The following NEK10 variants were observed in gnomAD, a reference collection of about 807,000 sequenced individuals.
NEK10 encodes the protein NIMA related kinase 10, also known as serine/threonine-protein kinase Nek10.
A neutral mutation model predicts 159.8 loss-of-function variants in NEK10; 122 were observed. That is an observed-to-expected ratio of 0.76 (90% CI 0.66 to 0.89). NEK10 has a LOEUF of 0.89. NEK10 is among the 40% of genes least tolerant of loss of function. The pLI, the probability that NEK10 is intolerant of heterozygous loss-of-function variation, is 0.00. For synonymous variants in NEK10, 466 were observed against 457.1 expected, an observed-to-expected ratio of 1.02 and a Z score of -0.25; for missense variants, 1,342 against 1,323.1, an observed-to-expected ratio of 1.01 and a Z score of -0.22.
chr3:27,258,672 T>C lies in NEK10; in HGVS notation c.2015-2301A>G, dbSNP rs958609401. Reference sequence around the variant, plus strand: ...TTTGCTATTGTGAATAGTGCCGCAATAAACTTACGTGTTCATGTGTCTTTA... The same window carrying C: ...TTTGCTATTGTGAATAGTGCCGCAACAAACTTACGTGTTCATGTGTCTTTA... On this transcript the variant is annotated intron_variant, in intron 22 of 35. Coordinates refer to ENST00000691995, the MANE Select transcript of NEK10 (RefSeq NM_001394966.1). Among the ~76,000 whole-genome samples the C allele has an allele frequency of 5.3e-4, 81 of 152,204 alleles. 1 individual carries two copies. The highest frequency in any genetic ancestry group is 8.7e-4 in the Non-Finnish European group (59 of 68,044).
rs142952687 is a variant in NEK10 at position 27,130,450 on chromosome 3, A to G, written c.3081+1430T>C. On this transcript the variant is annotated intron_variant, in intron 32 of 35. Transcript: ENST00000691995. Reference sequence around the variant, plus strand: ...AACAAACAAAATCTTCTCTATCAGGAGAGGAAAGAAAGTGAGGAAGAGTTG... The same window carrying G: ...AACAAACAAAATCTTCTCTATCAGGGGAGGAAAGAAAGTGAGGAAGAGTTG... 2.8e-4 allele frequency among the ~76,000 whole-genome samples: 42 copies of G among 152,290 alleles called. No individual in the cohort carries two copies. The East Asian group carries it at 7.9e-3, about 29-fold the overall frequency.
chr3:27,273,981 A>G (rs1235227960), intron 22 of NEK10, among the ~76,000 whole-genome samples: 1 of 152,162 alleles, frequency 6.6e-6, no homozygotes, highest in African/African-American at 2.4e-5. Context: ...TCTGCCCCTC[A>G]AACTGCTTCC....
rs1559351787 is a variant in NEK10 at position 27,243,832 on chromosome 3, TG to T, written c.2090+12463del. On this transcript the variant is annotated intron_variant, in intron 23 of 35. Transcript: ENST00000691995. ...TTCTACACTTGACTGACACCATGGGTGTGTGTGTGTGTGTGTGTGTGTGTGT... is the reference window on the plus strand; with the variant it reads ...TTCTACACTTGACTGACACCATGGGTTGTGTGTGTGTGTGTGTGTGTGTGT... Among the ~76,000 whole-genome samples the T allele has an allele frequency of 1.8e-3, 47 of 25,902 alleles. No individual in the cohort carries two copies. The African/African-American group carries it at 0.033, about 18-fold the overall frequency. 17.0% of individuals were successfully genotyped at this position (25,902 alleles called of 152,430 possible).
chr3:27,113,435 C>CAAA (rs3034425), intron 35 of NEK10, among the ~76,000 whole-genome samples: 341 of 81,238 alleles, frequency 4.2e-3, no homozygotes, highest in Non-Finnish European at 4.9e-3. Flanking sequence ...GATTCCATCT[C>CAAA]AAAAAAAAAA....
At chr3:27,320,080 C>G (rs996747366) in intron 6 of NEK10, among the ~76,000 whole-genome samples, 1 of 152,170 alleles carries the variant, frequency 6.6e-6, no homozygotes, top group Non-Finnish European at 1.5e-5. Flanking sequence ...TGCCTGAGCA[C>G]GTGGTCTTCT....
chr3:27,257,601 A>G (rs1575475984), intron 22 of NEK10, among the ~76,000 whole-genome samples: 1 of 152,182 alleles, frequency 6.6e-6, no homozygotes, highest in African/African-American at 2.4e-5. Context: ...TCAGCCACTT[A>G]CATGAATTGC....
chr3:27,304,874 G>A lies in NEK10; in HGVS notation c.901C>T (p.His301Tyr). 2 of 1,613,406 alleles carry A rather than the reference G, an allele frequency of 1.2e-6. No individual in the cohort carries two copies. Among genetic ancestry groups the A allele is most frequent in the Non-Finnish European group, 1.7e-6 (2 of 1,179,372 alleles). ...EGIPVLLSLL[H>Y]SDHLKLLWSI... The stretch of plus-strand genomic sequence containing the variant: ...CAGAGGAGCTTCAAGTGGTCAGAGT[G>A]GAGCAGACTGAGGAGGACCGGTATC... Residue 301 changes from histidine (H) to tyrosine (Y), a missense_variant, in exon 12 of 36, where the codon CAC (histidine) becomes TAC (tyrosine). Coordinates refer to ENST00000691995, the MANE Select transcript of NEK10 (RefSeq NM_001394966.1).
At chr3:27,179,160 A>G (rs1392834059) in intron 26 of NEK10, among the ~76,000 whole-genome samples, 1 of 152,176 alleles carries the variant, frequency 6.6e-6, no homozygotes, top group Non-Finnish European at 1.5e-5. Context: ...CAGTTAAGAG[A>G]GCAATAGTTA....
rs747068533 is a variant in NEK10, at chr3:27,344,292, C to T, written c.342G>A (p.Val114=). ...KLFQEIFTAL[V]KNRLISREWV... ...CTTACCTGCTTATGAGTCTATTTTT[C>T]ACCAAGGCGGTAAAGATCTCCTGAA... Residue 114 remains valine, a synonymous_variant, in exon 5 of 36, where the codon GTG becomes GTA. Coordinates refer to ENST00000691995, the MANE Select transcript of NEK10 (RefSeq NM_001394966.1). The T allele has an allele frequency of 2.1e-5, 34 of 1,586,984 alleles. No individual in the cohort carries two copies. The South Asian group carries it at 3.7e-4, about 17-fold the overall frequency.
intron 22 of NEK10, among the ~76,000 whole-genome samples, chr3:27,262,487 G>A (rs189341892): frequency 7.2e-5 from 11 of 152,246 alleles, no homozygotes. Flanking sequence ...CGTAGATTTG[G>A]TCTTTTCATA....
rs957691267 is a variant in NEK10, at chr3:27,314,980, C to T, written c.448-642G>A. Among the ~76,000 whole-genome samples, 6 of 152,164 alleles carry T rather than the reference C, an allele frequency of 3.9e-5. 1 individual carries two copies. Among genetic ancestry groups the T allele is most frequent in the South Asian group, 2.1e-4 (1 of 4,826 alleles). The stretch of plus-strand genomic sequence containing the variant: ...ATTAGATGAATGATCTTATTAGACC[C>T]ATGCTCTAAATAAATGTAAAGATAA... On this transcript the variant is annotated intron_variant, in intron 6 of 35. Coordinates refer to ENST00000691995, the MANE Select transcript of NEK10 (RefSeq NM_001394966.1).
intron 23 of NEK10, among the ~76,000 whole-genome samples, chr3:27,240,750 C>A (rs1181545599): frequency 6.6e-6 from 1 of 151,436 alleles, no homozygotes; most frequent in Non-Finnish European, 1.5e-5. Context: ...CTCCCAGGCT[C>A]AAGCAATTCT....
chr3:27,253,904 T>G (rs893192482), intron 23 of NEK10, among the ~76,000 whole-genome samples: 1 of 152,164 alleles, frequency 6.6e-6, no homozygotes, highest in Non-Finnish European at 1.5e-5. Flanking sequence ...GTCTATGGCA[T>G]CATACCTCAA....
Position 27,106,569 on chromosome 3 carries a change from A to C in NEK10, c.*4703T>G, listed in dbSNP as rs916521463. On this transcript the variant is annotated 3_prime_UTR_variant, in exon 36 of 36. Transcript: ENST00000691995. ...AGAATCTTGACTCAAATGGCACTTG[A>C]AATGCAGAGCTAAATCATGGGTTAA... 6.6e-6 allele frequency among the ~76,000 whole-genome samples: 1 copy of C among 152,214 alleles called. No homozygotes were observed. Among genetic ancestry groups the C allele is most frequent in the African/African-American group, 2.4e-5 (1 of 41,460 alleles).
At chr3:27,123,610 T>C (rs1242318806) in intron 32 of NEK10, among the ~76,000 whole-genome samples, 1 of 152,180 alleles carries the variant, frequency 6.6e-6, no homozygotes, top group Non-Finnish European at 1.5e-5. Context: ...TGGAGTTCGC[T>C]AACTACTTAG....
At chr3:27,324,939 G>C (rs1300303549) in intron 5 of NEK10, among the ~76,000 whole-genome samples, 1 of 152,176 alleles carries the variant, frequency 6.6e-6, no homozygotes, top group African/African-American at 2.4e-5. Context: ...CCAAGGTCCA[G>C]TGCCTAAGGT....
intron 23 of NEK10, among the ~76,000 whole-genome samples, chr3:27,230,892 A>C (rs933987836): frequency 6.6e-6 from 1 of 152,020 alleles, no homozygotes; most frequent in Non-Finnish European, 1.5e-5. Context: ...CAGACTCAAA[A>C]AATGAGATAG....
chr3:27,366,951 C>G (rs1053490895), intron 1 of NEK10, among the ~76,000 whole-genome samples: 2 of 151,764 alleles, frequency 1.3e-5, no homozygotes, highest in African/African-American at 2.4e-5. Flanking sequence ...GCGGGGATTA[C>G]AGGTGTGCGC....
At chr3:27,285,911 G>C (rs1288550393) in intron 20 of NEK10, among the ~76,000 whole-genome samples, 1 of 151,938 alleles carries the variant, frequency 6.6e-6, no homozygotes, top group African/African-American at 2.4e-5. Context: ...TTTTCCTACA[G>C]ATAGACATTT....
Sources: allele counts gnomAD v4.1 joint callset (sites outside exome capture counted in the v4.1 genomes callset), GRCh38; gene constraint gnomAD v4.1.1; transcripts MANE v1.5; gene names NCBI Gene and HGNC (gene_info 2026-07-23, HGNC 2026-07-21).